Variants in ANKMY1 observed in about 807,000 individuals in gnomAD.
ANKMY1 encodes ankyrin repeat and MYND domain containing 1, also known as ankyrin repeat and MYND domain-containing protein 1.
A neutral mutation model predicts 102.0 loss-of-function variants in ANKMY1; 98 were observed. The observed-to-expected ratio is 0.96, with a 90% CI of 0.82 to 1.14. ANKMY1 has a LOEUF of 1.14. Among genes scored for constraint, ANKMY1 ranks in the 50% most tolerant of loss-of-function variants. The pLI is 0.00. For synonymous variants in ANKMY1, 582 were observed against 559.9 expected, an observed-to-expected ratio of 1.04 and a Z score of -0.56; for missense variants, 1,330 against 1,347.6, an observed-to-expected ratio of 0.99 and a Z score of 0.20.
chr2:240,471,716 G>A, the ANKMY1 span, among the ~76,000 whole-genome samples: 2 of 152,162 alleles, frequency 1.3e-5, no homozygotes, highest in African/African-American at 2.4e-5. Flanking sequence ...AAGTGCCTTC[G>A]TGGGAGCCTC....
chr2:240,504,026 C>T (rs2078657943), intron 13 of ANKMY1, among the ~76,000 whole-genome samples: 1 of 152,214 alleles, frequency 6.6e-6, no homozygotes, highest in Admixed American at 6.5e-5. Flanking sequence ...TCGCGGCCTC[C>T]ATCCTCCAGG....
At position 240,479,939 on chromosome 2, in the gene ANKMY1, C is replaced by T. The variant is rs532731235; in HGVS notation, c.3047-284G>A. On this transcript the variant is annotated intron_variant, in intron 17 of 17. Transcript: ENST00000401804. The stretch of plus-strand genomic sequence containing the variant: ...TATTAAAAGCCCCATTGGCTGCGCG[C>T]GGTGGCTCATGCCTGTAATCCCAGC... Among the ~76,000 whole-genome samples the T allele has an allele frequency of 3.3e-5, 5 of 152,144 alleles. No homozygotes were observed. In the South Asian group the frequency reaches 6.2e-4, roughly 19 times the overall value.
In ANKMY1 at chr2:240,529,452, T is replaced by C. The variant is rs1350635771; in HGVS notation, c.538A>G (p.Ser180Gly). Residue 180 changes from serine (S) to glycine (G), a missense_variant, in exon 5 of 18, where the codon AGC becomes GGC. Transcript: ENST00000401804. This position sits in a 1 kb window ranked among gnomAD's most constrained non-coding sequence, Gnocchi z 4.2. ...CGGAACCACAGCCCCACGTCCTGGC[T>C]GCCATCGGGGTAGGTCTCGACACCT... The part of the protein sequence containing the change: ...GPGVETYPDG[S>G]QDVGLWFREQ... 6.2e-7 allele frequency: 1 copy of C among 1,614,112 alleles called. No homozygotes were observed. Among genetic ancestry groups the C allele is most frequent in the Admixed American group, 1.7e-5 (1 of 60,012 alleles).
rs2084742161 is a variant in ANKMY1, at chr2:240,529,387, G to A, written c.603C>T (p.Gly201=). The change falls in exon 5 of 18, where the codon GGC becomes GGT. Residue 201 remains glycine (G), a synonymous_variant. Transcript: ENST00000401804. The surrounding 1 kb of genome is among the most constrained non-coding windows in gnomAD (Gnocchi z 4.2). ...ACTCAGGGTATCTGAGGAGGGAGAA[G>A]CCACTGGGGATCTGGGTGCACAGCT... ...LIKLCTQIPS[G]FSLLRYPEFS... 1 of 1,614,172 alleles carries A rather than the reference G, an allele frequency of 6.2e-7. No individual in the cohort carries two copies. The highest frequency in any genetic ancestry group is 2.2e-5 in the East Asian group (1 of 44,878).
chr2:240,499,980 C>A lies in ANKMY1; in HGVS notation c.2784G>T (p.Thr928=). The change falls in exon 15 of 18, where the codon ACG becomes ACT. Residue 928 remains threonine (T), a synonymous_variant. Transcript: ENST00000401804. The surrounding 1 kb of genome is among the most constrained non-coding windows in gnomAD (Gnocchi z 4.2). The part of the protein sequence containing the change: ...VFAKESQWDP[T]WLYLCKRAEL... The stretch of plus-strand genomic sequence containing the variant: ...CACCTCTCTTGCACAGGTACAGCCA[C>A]GTGGGGTCCCACTGGCTCTCCTTGG... 1 of 1,612,812 alleles carries A rather than the reference C, an allele frequency of 6.2e-7. No individual in the cohort carries two copies. The highest frequency in any genetic ancestry group is 8.5e-7 in the Non-Finnish European group (1 of 1,179,744).
intron 15 of ANKMY1, among the ~76,000 whole-genome samples, chr2:240,496,369 TAGATA>T (rs2077260695): frequency 8.2e-6 from 1 of 121,304 alleles, no homozygotes; most frequent in Non-Finnish European, 1.8e-5. Context: ...GATAGATAGA[TAGATA>T]GATAGATAGA....
rs1407690242 is a variant in ANKMY1, at chr2:240,545,547, C to T, written c.480+7367G>A. ...CGAGCTGAGAGAAGAAGGCTTCAGACGATCAAATTACTCCAAGCTACGGGA... is the reference window on the plus strand; with the variant it reads ...CGAGCTGAGAGAAGAAGGCTTCAGATGATCAAATTACTCCAAGCTACGGGA... On this transcript the variant is annotated intron_variant, in intron 4 of 17. Transcript: ENST00000401804. Among the ~76,000 whole-genome samples the T allele has an allele frequency of 1.1e-4, 16 of 152,094 alleles. No homozygotes were observed. In the South Asian group the frequency reaches 1.4e-3, roughly 14 times the overall value.
Position 240,553,007 on chromosome 2 carries a change from G to A in ANKMY1, c.387C>T (p.Tyr129=). ...TGAAACTGGAGCCATCTGGCCACAT[G>A]TAGGTACCCAGGCCATGGCAGTGGT... is the stretch of plus-strand genomic sequence containing the variant. ...YRDHCHGLGT[Y]MWPDGSSFTG... Residue 129 remains tyrosine, a synonymous_variant, in exon 4 of 18, where the codon TAC becomes TAT. Coordinates refer to ENST00000401804, the MANE Select transcript of ANKMY1 (RefSeq NM_001282771.3). 2 of 1,614,058 alleles carry A rather than the reference G, an allele frequency of 1.2e-6. No individual in the cohort carries two copies. Among genetic ancestry groups the A allele is most frequent in the South Asian group, 2.2e-5 (2 of 91,072 alleles).
intron 9 of ANKMY1, among the ~76,000 whole-genome samples, chr2:240,519,470 G>A (rs1363791161): frequency 2.0e-5 from 3 of 152,186 alleles, no homozygotes; most frequent in African/African-American, 4.8e-5. Flanking sequence ...TGAACCTAAC[G>A]AGGCCCTCAT....
intron 4 of ANKMY1, among the ~76,000 whole-genome samples, chr2:240,542,432 A>G (rs1326500319): frequency 6.6e-6 from 1 of 151,228 alleles, no homozygotes; most frequent in African/African-American, 2.4e-5. Context: ...TGAACCTGGG[A>G]GGTGGAGGTT....
chr2:240,476,844 C>G (rs2074888912), downstream of ANKMY1, among the ~76,000 whole-genome samples: 1 of 152,206 alleles, frequency 6.6e-6, no homozygotes, highest in Non-Finnish European at 1.5e-5. Context: ...AGGGACTGCT[C>G]TCTACGCACT....
At chr2:240,489,912 A>C (rs557105624) in intron 15 of ANKMY1, among the ~76,000 whole-genome samples, 1 of 152,210 alleles carries the variant, frequency 6.6e-6, no homozygotes, top group South Asian at 2.1e-4. Context: ...TTGTTGAGAG[A>C]CTTTTTATTG....
At chr2:240,548,542 G>C (rs929334426) in intron 4 of ANKMY1, among the ~76,000 whole-genome samples, 1 of 151,748 alleles carries the variant, frequency 6.6e-6, no homozygotes, top group Non-Finnish European at 1.5e-5. Context: ...GGAAATAAAG[G>C]GTATTCAATT....
chr2:240,477,001 A>C (rs2074898823), downstream of ANKMY1, among the ~76,000 whole-genome samples: 1 of 152,224 alleles, frequency 6.6e-6, no homozygotes, highest in African/African-American at 2.4e-5. Flanking sequence ...ATCCATCAGG[A>C]AGAGCAAACA....
chr2:240,555,078 AG>A, intron 2 of ANKMY1, 23 bp from the exon 3 acceptor site: 1 of 1,611,942 alleles, frequency 6.2e-7, no homozygotes, highest in East Asian at 2.2e-5. Flanking sequence ...GAGCAGAAGG[AG>A]GGAAGAGTGA....
chr2:240,477,994 C>T (rs1414737547), downstream of ANKMY1, among the ~76,000 whole-genome samples: 1 of 152,064 alleles, frequency 6.6e-6, no homozygotes. Context: ...AATTGTAATC[C>T]CCAATGTGGG....
At chr2:240,513,787 A>G (rs1405332914) in intron 9 of ANKMY1, among the ~76,000 whole-genome samples, 2 of 152,120 alleles carry the variant, frequency 1.3e-5, no homozygotes, top group Non-Finnish European at 2.9e-5. Context: ...AGCCCCTGCG[A>G]CCTCCACACA....
chr2:240,524,280 G>A lies in ANKMY1; in HGVS notation c.1437C>T (p.Ser479=). ...YYEVNVPSQG[S]YELRPPPAPL... ...GTGCTGGCGGTGGCCTCAGCTCATA[G>A]CTACCCTGGGAAGGCACGTTCACCT... The change falls in exon 8 of 18, where the codon AGC becomes AGT. Residue 479 remains serine (S), a synonymous_variant. Transcript: ENST00000401804. 1 of 1,613,850 alleles carries A rather than the reference G, an allele frequency of 6.2e-7. No homozygotes were observed. The highest frequency in any genetic ancestry group is 8.5e-7 in the Non-Finnish European group (1 of 1,180,032).
chr2:240,538,450 G>A (rs946502980), intron 4 of ANKMY1, among the ~76,000 whole-genome samples: 6 of 152,192 alleles, frequency 3.9e-5, no homozygotes, highest in Non-Finnish European at 8.8e-5. Flanking sequence ...GGTGCGCCAG[G>A]TCCCTCAGCA....
Sources: allele counts gnomAD v4.1 joint callset (sites outside exome capture counted in the v4.1 genomes callset), GRCh38; gene constraint gnomAD v4.1.1; non-coding constraint Gnocchi (gnomAD v3.1); transcripts MANE v1.5; gene names NCBI Gene and HGNC (gene_info 2026-07-23, HGNC 2026-07-21).